The following JUP variants were observed in gnomAD, a reference collection of about 807,000 sequenced individuals.
The protein encoded by JUP is catenin (cadherin-associated protein), gamma 80kDa.
JUP carries 28 observed loss-of-function variants against 71.1 expected under a neutral mutation model. That is an observed-to-expected ratio of 0.39 (90% confidence interval 0.29 to 0.54). JUP has a LOEUF of 0.54. JUP is among the 20% of genes least tolerant of loss of function. The probability of loss-of-function intolerance (pLI) is 0.62; values close to 1 mark genes in which losing one functional copy is unlikely to be tolerated. For synonymous variants in JUP, 401 were observed against 438.9 expected (o/e 0.91, Z 1.08); for missense variants, 869 against 1,030.1 (o/e 0.84, Z 2.14).
intron 8 of JUP, among the ~76,000 whole-genome samples, chr17:41,759,095 CAG>C (rs1487021378): frequency 8.4e-6 from 1 of 118,480 alleles, no homozygotes; most frequent in Non-Finnish European, 1.7e-5. Context: ...TTTTTTGAGA[CAG>C]AGTTTCGCTC....
intron 9 of JUP, 42 bp downstream of exon 9, chr17:41,758,673 A>C: frequency 6.3e-7 from 1 of 1,591,406 alleles, no homozygotes; most frequent in African/African-American, 1.4e-5. Flanking sequence ...GGACACCCTG[A>C]CCCCCCAGGA....
intron 8 of JUP, among the ~76,000 whole-genome samples, chr17:41,762,663 A>G (rs1555601841): frequency 6.6e-6 from 1 of 152,088 alleles, no homozygotes; most frequent in Admixed American, 6.6e-5. Flanking sequence ...TGCCTCCCAA[A>G]GTGTTGGGAT....
At chr17:41,785,966 G>C (rs2047437473) in intron 1 of JUP, 2 of 152,254 alleles carry the variant, frequency 1.3e-5, no homozygotes, top group Non-Finnish European at 2.9e-5. Context: ...AGGTAGTATC[G>C]ACGAGGCTCT....
Position 41,773,638 on chromosome 17 carries a change from C to T in JUP, c.-8-1776G>A, listed in dbSNP as rs1178218938. Reference sequence around the variant, plus strand: ...ACGCACCCCTTCCCCACACCCCTTCCCCAGCAACAGAGGGGAATGGCCACT... The same window carrying T: ...ACGCACCCCTTCCCCACACCCCTTCTCCAGCAACAGAGGGGAATGGCCACT... On this transcript the variant is annotated intron_variant, in intron 1 of 13. Coordinates refer to ENST00000393931, the MANE Select transcript of JUP (RefSeq NM_002230.4). 1.6e-4 allele frequency among the ~76,000 whole-genome samples: 25 copies of T among 152,300 alleles called. No homozygotes were observed. In the South Asian group the frequency reaches 1.7e-3, roughly 10 times the overall value.
Position 41,757,473 on chromosome 17 carries a change from C to T in JUP, c.1988G>A (p.Arg663His), listed in dbSNP as rs1161280934. 1.2e-6 allele frequency: 2 copies of T among 1,614,224 alleles called. No homozygotes were observed. Among genetic ancestry groups the T allele is most frequent in the East Asian group, 2.2e-5 (1 of 44,886 alleles). Residue 663 changes from arginine to histidine, a missense_variant, in exon 12 of 14, where the codon CGC becomes CAC. Transcript: ENST00000393931. ...GGAGTTGGTGAGCTCCACGGACACG[C>T]GCTTCCGGTAGTCTGGGTTCTTGTC... Reference protein sequence around the residue: ...SEDKNPDYRKRVSVELTNSLF... With the variant: ...SEDKNPDYRKHVSVELTNSLF...
Position 41,757,614 on chromosome 17 carries a change from C to A in JUP, c.1924+20G>T. 6.2e-7 allele frequency: 1 copy of A among 1,613,876 alleles called. No homozygotes were observed. The highest frequency in any genetic ancestry group is 1.1e-5 in the South Asian group (1 of 91,054). ...TGGCTGGGGGAGTGGGACCCAGCCTCCTGCCCTCCCCCAGCTCACCAGTGC... is the reference window on the plus strand; with the variant it reads ...TGGCTGGGGGAGTGGGACCCAGCCTACTGCCCTCCCCCAGCTCACCAGTGC... On this transcript the variant is annotated intron_variant, in intron 11 of 13. Coordinates refer to ENST00000393931, the MANE Select transcript of JUP (RefSeq NM_002230.4).
rs201553154 is a variant in JUP, at chr17:41,762,979, G to A, written c.1497+4C>T. ...AGCTCCTTCCCCTCGCCTAACAGCA[G>A]TACCTTGACCAGTGGCCACTGGTTG... On this transcript the variant is annotated splice_donor_region_variant and intron_variant, in intron 8 of 13. Transcript: ENST00000393931. 6.2e-7 allele frequency: 1 copy of A among 1,613,396 alleles called. No individual in the cohort carries two copies. The highest frequency in any genetic ancestry group is 2.2e-5 in the East Asian group (1 of 44,890).
rs56339743 is a variant in JUP at position 41,755,035 on chromosome 17, C to G, written c.*709G>C. 0.016 allele frequency: 5,649 copies of G among 364,262 alleles called. 294 individuals are homozygous for G. The highest frequency in any genetic ancestry group is 0.11 in the African/African-American group (5,163 of 48,020). 22.6% of individuals were successfully genotyped at this position (364,262 alleles called of 1,614,324 possible). A position where few individuals can be genotyped will look rare whatever the true frequency, so the allele number is the denominator to read the frequency against. On this transcript the variant is annotated 3_prime_UTR_variant, in exon 14 of 14. Transcript: ENST00000393931. Reference sequence around the variant, plus strand: ...GGATTTTGGGGGTTTGGGTCTCGAACCTGGGCCCTGGAGGCCCTGGGGGCT... The same window carrying G: ...GGATTTTGGGGGTTTGGGTCTCGAAGCTGGGCCCTGGAGGCCCTGGGGGCT...
chr17:41,785,532 G>A (rs1234711509), intron 1 of JUP, among the ~76,000 whole-genome samples: 2 of 152,182 alleles, frequency 1.3e-5, no homozygotes, highest in Non-Finnish European at 2.9e-5. Context: ...CAGGGTCGGA[G>A]CCCAGGCACC....
chr17:41,785,304 T>C (rs1395835400), intron 1 of JUP: 1 of 150,180 alleles, frequency 6.7e-6, no homozygotes, highest in Non-Finnish European at 1.5e-5. Context: ...CCTTCCTCAG[T>C]TTGGCCCAGC....
chr17:41,784,405 C>T (rs113572107), intron 1 of JUP, among the ~76,000 whole-genome samples: 13 of 152,136 alleles, frequency 8.5e-5, no homozygotes, highest in African/African-American at 1.2e-4. Flanking sequence ...CCTCCTCCCC[C>T]GCATCCCCCA....
At chr17:41,771,533 G>A in intron 2 of JUP, 114 bp downstream of exon 2, 1 of 951,922 alleles carries the variant, frequency 1.1e-6, no homozygotes, top group East Asian at 2.5e-5. Context: ...AGCATGAGCT[G>A]TGCCTCCTCC....
rs1915491813 is a variant in JUP, at chr17:41,765,061, T to C, written c.916A>G (p.Ile306Val). The C allele has an allele frequency of 6.2e-7, 1 of 1,613,912 alleles. No individual in the cohort carries two copies. Among genetic ancestry groups the C allele is most frequent in the African/African-American group, 1.3e-5 (1 of 74,912 alleles). ...AYGNQESKLI[I>V]LANGGPQALV... The stretch of plus-strand genomic sequence containing the variant: ...GCCTGGGGCCCACCATTGGCCAGGA[T>C]GATCAGCTATGGGTAAAGAGGGAAT... Residue 306 changes from isoleucine to valine, a missense_variant, in exon 6 of 14, where the codon ATC becomes GTC. By Grantham distance (29) the Ile-to-Val change is conservative. Transcript: ENST00000393931.
intron 1 of JUP, among the ~76,000 whole-genome samples, chr17:41,779,575 G>A (rs952165131): frequency 6.6e-6 from 1 of 152,024 alleles, no homozygotes. Context: ...TGATGCGCCC[G>A]CCTCGGCCTC....
chr17:41,773,904 G>T (rs546475919), intron 1 of JUP, among the ~76,000 whole-genome samples: 1 of 152,200 alleles, frequency 6.6e-6, no homozygotes, highest in Non-Finnish European at 1.5e-5. Context: ...ACTGAATGCC[G>T]CTCTGCTGGG....
chr17:41,770,980 G>A (rs141732316), intron 2 of JUP, among the ~76,000 whole-genome samples: 2 of 152,334 alleles, frequency 1.3e-5, no homozygotes, highest in Non-Finnish European at 2.9e-5. Context: ...CGTCCTCCCT[G>A]CCATCCATGG....
intron 10 of JUP, chr17:41,758,179 T>G (rs1295220499): frequency 1.0e-5 from 5 of 501,812 alleles, no homozygotes; most frequent in Admixed American, 3.6e-5. Flanking sequence ...TTGTTTTTTG[T>G]TTTTTTTTTC....
At chr17:41,767,650 G>T (rs1915946247) in intron 4 of JUP, 70 bp from the exon 5 acceptor site, 1 of 1,299,156 alleles carries the variant, frequency 7.7e-7, no homozygotes, top group Non-Finnish European at 1.1e-6. Flanking sequence ...CCTGGCATGG[G>T]TTCCCACCTC....
chr17:41,764,693 G>C lies in JUP; in HGVS notation c.1158+20C>G. The C allele has an allele frequency of 6.2e-7, 1 of 1,605,972 alleles. No homozygotes were observed. The highest frequency in any genetic ancestry group is 8.5e-7 in the Non-Finnish European group (1 of 1,174,430). On this transcript the variant is annotated intron_variant, in intron 7 of 13. Transcript: ENST00000393931. Reference sequence around the variant, plus strand: ...GGGGCAGCTGAAGAGGTCAACCCCAGGCCCAGATACCTCCCTCACCTGCTT... The same window carrying C: ...GGGGCAGCTGAAGAGGTCAACCCCACGCCCAGATACCTCCCTCACCTGCTT...
Sources: allele counts gnomAD v4.1 joint callset (sites outside exome capture counted in the v4.1 genomes callset), GRCh38; gene constraint gnomAD v4.1.1; transcripts MANE v1.5; gene names NCBI Gene and HGNC (gene_info 2026-07-23, HGNC 2026-07-21).